TNKS2: variants seen among roughly 807,000 people sequenced by gnomAD.
TNKS2 encodes tankyrase 2.
In TNKS2, 72 loss-of-function variants were observed where a neutral mutation model predicts 137.6. The observed-to-expected ratio is 0.52, with a 90% CI of 0.43 to 0.64. TNKS2 has a LOEUF of 0.64. Ranked by LOEUF, TNKS2 falls within the 30% of genes least tolerant of loss-of-function variation. TNKS2 has a pLI of 0.00. For synonymous variants in TNKS2, 516 were observed against 512.1 expected (o/e 1.01, Z -0.10); for missense variants, 1,049 against 1,410.2 (o/e 0.74, Z 4.10).
intron 6 of TNKS2, among the ~76,000 whole-genome samples, chr10:91,821,699 T>C (rs986717357): frequency 6.6e-6 from 1 of 152,154 alleles, no homozygotes; most frequent in African/African-American, 2.4e-5. Flanking sequence ...CAAAAAAGTT[T>C]TAAAAATGAG....
intron 23 of TNKS2, among the ~76,000 whole-genome samples, chr10:91,855,965 CTTTATATA>C (rs1040204139): frequency 6.6e-6 from 1 of 152,094 alleles, no homozygotes; most frequent in Non-Finnish European, 1.5e-5. Flanking sequence ...AGGTTCAATA[CTTTATATA>C]AAGTACTGTT....
At position 91,840,591 on chromosome 10, in the gene TNKS2, A is replaced by T; in HGVS notation, c.1558A>T (p.Arg520Ter). The change falls in exon 14 of 27, where the codon AGA (arginine) becomes TGA (stop). Residue 520 changes from arginine to a stop codon, truncating the protein, a stop_gained. Coordinates refer to ENST00000371627, the MANE Select transcript of TNKS2 (RefSeq NM_025235.4). LOFTEE classifies it high-confidence loss of function. ...KLCTVQSVNCRDIEGRQSTPL... is the reference protein window; with the variant it reads ...KLCTVQSVNC ...GTGTACTGTTCAGAGTGTCAACTGC[A>T]GAGACATTGAAGGGCGTCAGTCTAC... 1 of 1,614,122 alleles carries T rather than the reference A, an allele frequency of 6.2e-7. No individual in the cohort carries two copies. The highest frequency in any genetic ancestry group is 8.5e-7 in the Non-Finnish European group (1 of 1,179,986).
chr10:91,854,738 T>C (rs1238877320), intron 21 of TNKS2, among the ~76,000 whole-genome samples: 1 of 151,948 alleles, frequency 6.6e-6, no homozygotes, highest in African/African-American at 2.4e-5. Flanking sequence ...ACTCCGTCTC[T>C]ACTAAAAATA....
chr10:91,833,790 CA>C, intron 11 of TNKS2, 62 bp from the exon 12 acceptor site: 1 of 1,321,572 alleles, frequency 7.6e-7, no homozygotes, highest in Non-Finnish European at 1.0e-6. Context: ...GTGTTAAATA[CA>C]TGATTGTATG....
intron 20 of TNKS2, among the ~76,000 whole-genome samples, chr10:91,850,906 C>T (rs1012081517): frequency 2.6e-5 from 4 of 152,130 alleles, no homozygotes; most frequent in African/African-American, 7.2e-5. Context: ...AGAAGTACCA[C>T]TTGGCATAGT....
chr10:91,859,459 C>T lies in TNKS2; in HGVS notation c.3095-3C>T. ...TATTGTTACCCATCTATATGTGTTT[C>T]AGGGTCTCCTTTTGTGAATGCAATT... On this transcript the variant is annotated splice_region_variant and splice_polypyrimidine_tract_variant and intron_variant, in intron 24 of 26. Transcript: ENST00000371627. 1 of 1,582,894 alleles carries T rather than the reference C, an allele frequency of 6.3e-7. No individual in the cohort carries two copies. The highest frequency in any genetic ancestry group is 8.6e-7 in the Non-Finnish European group (1 of 1,167,370).
chr10:91,810,258 G>T (rs932667325), intron 1 of TNKS2, among the ~76,000 whole-genome samples: 1 of 151,816 alleles, frequency 6.6e-6, no homozygotes, highest in South Asian at 2.1e-4. Context: ...CACACCTGTA[G>T]TCCCAGCTAC....
In TNKS2 at chr10:91,865,148, AT is replaced by A. The variant is rs111308061; in HGVS notation, c.*2160del. On this transcript the variant is annotated 3_prime_UTR_variant, in exon 27 of 27. Coordinates refer to ENST00000371627, the MANE Select transcript of TNKS2 (RefSeq NM_025235.4). ...GAATTGCTTTTTCTTTTGTCTTGTGATTTTTTTTTTTGAAGTGAAATTTAAC... is the reference window on the plus strand; with the variant it reads ...GAATTGCTTTTTCTTTTGTCTTGTGATTTTTTTTTTGAAGTGAAATTTAAC... The A allele has an allele frequency of 0.11, 16,479 of 147,924 alleles. 981 individuals are homozygous for A. Among genetic ancestry groups the A allele is most frequent in the East Asian group, 0.2 (997 of 5,054 alleles). The allele number at this position is 147,924 out of a possible 1,614,324, so 9.2% of individuals were successfully genotyped here.
chr10:91,847,727 G>T (rs1842420496), intron 18 of TNKS2, among the ~76,000 whole-genome samples: 1 of 152,120 alleles, frequency 6.6e-6, no homozygotes, highest in African/African-American at 2.4e-5. Flanking sequence ...CAGTTTTAAG[G>T]AACAAATACA....
chr10:91,840,575 T>C lies in TNKS2; in HGVS notation c.1542T>C (p.Val514=). The C allele has an allele frequency of 6.2e-7, 1 of 1,614,050 alleles. No individual in the cohort carries two copies. The highest frequency in any genetic ancestry group is 1.1e-5 in the South Asian group (1 of 91,070). ...TTGTCCTTCAGAAACTGTGTACTGTTCAGAGTGTCAACTGCAGAGACATTG... is the reference window on the plus strand; with the variant it reads ...TTGTCCTTCAGAAACTGTGTACTGTCCAGAGTGTCAACTGCAGAGACATTG... ...DVETVKKLCT[V]QSVNCRDIEG... Residue 514 remains valine, a synonymous_variant, in exon 14 of 27, where the codon GTT becomes GTC. Coordinates refer to ENST00000371627, the MANE Select transcript of TNKS2 (RefSeq NM_025235.4).
At chr10:91,801,576 C>A (rs552979479) in intron 1 of TNKS2, among the ~76,000 whole-genome samples, 3 of 152,104 alleles carry the variant, frequency 2.0e-5, no homozygotes, top group African/African-American at 7.2e-5. Context: ...CGGGTTCGAC[C>A]GATTCTCCTG....
chr10:91,830,988 A>C lies in TNKS2; in HGVS notation c.1170A>C (p.Gly390=). ...TATGTGAACTGTTGCTAAGAAAAGG[A>C]GCAAACATCAATGAAAAGACTAAAG... ...KQICELLLRK[G]ANINEKTKEF... Residue 390 remains glycine (G), a synonymous_variant, in exon 10 of 27, where the codon GGA becomes GGC. Transcript: ENST00000371627. 6.2e-7 allele frequency: 1 copy of C among 1,612,680 alleles called. No homozygotes were observed.
intron 18 of TNKS2, among the ~76,000 whole-genome samples, chr10:91,846,164 A>G (rs182609928): frequency 6.6e-6 from 1 of 152,232 alleles, no homozygotes; most frequent in African/African-American, 2.4e-5. Flanking sequence ...TATACTGAGT[A>G]TTTTGGAAAT....
chr10:91,836,933 G>A lies in TNKS2; in HGVS notation c.1462G>A (p.Gly488Ser), dbSNP rs766338152. ...CTCTTTTTTAGAGGGTATCTCATTAGGTAATTCAGAGGCAGACAGACAATT... is the reference window on the plus strand; with the variant it reads ...CTCTTTTTTAGAGGGTATCTCATTAAGTAATTCAGAGGCAGACAGACAATT... ...QQLLQEGISL[G>S]NSEADRQLLE... The change falls in exon 13 of 27, where the codon GGT becomes AGT. Residue 488 changes from glycine (G) to serine (S), a missense_variant. Around this residue, in one of 6 missense-constraint regions of TNKS2, gnomAD observed 328 missense variants for 436.0 expected, o/e 0.75. Coordinates refer to ENST00000371627, the MANE Select transcript of TNKS2 (RefSeq NM_025235.4). 65 of 1,612,934 alleles carry A rather than the reference G, an allele frequency of 4.0e-5. No individual in the cohort carries two copies. The highest frequency in any genetic ancestry group is 5.3e-5 in the Non-Finnish European group (62 of 1,179,508).
intron 12 of TNKS2, among the ~76,000 whole-genome samples, chr10:91,834,838 A>T (rs1470178537): frequency 6.6e-6 from 1 of 152,224 alleles, no homozygotes; most frequent in Non-Finnish European, 1.5e-5. Flanking sequence ...GGTCCTATTC[A>T]GTTGGCTAGT....
At chr10:91,857,892 A>C (rs1373457087) in intron 24 of TNKS2, among the ~76,000 whole-genome samples, 1 of 152,196 alleles carries the variant, frequency 6.6e-6, no homozygotes. Context: ...GAAGGTGTAC[A>C]TCCTATTCTG....
intron 12 of TNKS2, among the ~76,000 whole-genome samples, chr10:91,834,255 A>G (rs1841924872): frequency 6.6e-6 from 1 of 152,182 alleles, no homozygotes; most frequent in African/African-American, 2.4e-5. Context: ...CTTAAGTTAA[A>G]TAGATGGCTT....
rs180693010 is a variant in TNKS2, at chr10:91,863,615, C to T, written c.*616C>T. On this transcript the variant is annotated 3_prime_UTR_variant, in exon 27 of 27. Transcript: ENST00000371627. ...GATTGAGTTATCAGATTTAATTTGC[C>T]GATGGGAGCCTTTATCTGTCATTAG... 6.6e-6 allele frequency: 1 copy of T among 152,174 alleles called. No homozygotes were observed. Among genetic ancestry groups the T allele is most frequent in the East Asian group, 1.9e-4 (1 of 5,184 alleles). 9.4% of individuals were successfully genotyped at this position (152,174 alleles called of 1,614,324 possible). A position where few individuals can be genotyped will look rare whatever the true frequency, so the allele number is the denominator to read the frequency against.
chr10:91,836,064 CG>C (rs1364606494), intron 12 of TNKS2, among the ~76,000 whole-genome samples: 1 of 86,450 alleles, frequency 1.2e-5, no homozygotes, highest in African/African-American at 4.9e-5. Context: ...TTTTTTGAGA[CG>C]AAGTTTCACT....
Sources: allele counts gnomAD v4.1 joint callset (sites outside exome capture counted in the v4.1 genomes callset), GRCh38; gene constraint gnomAD v4.1.1; regional missense constraint gnomAD v4.1.1; transcripts MANE v1.5; gene names NCBI Gene and HGNC (gene_info 2026-07-23, HGNC 2026-07-21).